The following ARPC5 variants were observed in gnomAD, a reference collection of about 807,000 sequenced individuals.
ARPC5 encodes the protein actin related protein 2/3 complex subunit 5.
In ARPC5, 5 loss-of-function variants were observed where a neutral mutation model predicts 15.4. The observed-to-expected ratio is 0.32, with a 90% CI of 0.17 to 0.68. The LOEUF is 0.68. Ranked by LOEUF, ARPC5 falls within the 30% of genes least tolerant of loss-of-function variation. ARPC5 has a pLI of 0.71. For missense variants in ARPC5, 138 were observed against 192.8 expected (o/e 0.72, Z 1.68); for synonymous variants, 85 against 72.2 (o/e 1.18, Z -0.90).
Position 183,627,530 on chromosome 1 carries a change from G to A in ARPC5, c.*2C>T, listed in dbSNP as rs1381197648. The A allele has an allele frequency of 6.2e-7, 1 of 1,613,670 alleles. No individual in the cohort carries two copies. Among genetic ancestry groups the A allele is most frequent in the Non-Finnish European group, 8.5e-7 (1 of 1,179,770 alleles). On this transcript the variant is annotated 3_prime_UTR_variant, in exon 4 of 4. Transcript: ENST00000359856. ...GAGGCAGATAATCCACTTCCTGCCA[G>A]ACTACACAGTTTTTCTTGCAGTCAA...
chr1:183,633,244 A>G (rs1263898209), intron 1 of ARPC5, 90 bp from the exon 2 acceptor site: 1 of 888,326 alleles, frequency 1.1e-6, no homozygotes, highest in East Asian at 2.9e-5. Context: ...ACATATAAAA[A>G]GAAAATTACT....
intron 1 of ARPC5, among the ~76,000 whole-genome samples, chr1:183,634,120 A>G (rs1572199817): frequency 6.6e-6 from 1 of 152,204 alleles, no homozygotes; most frequent in African/African-American, 2.4e-5. Flanking sequence ...ATCCATCACA[A>G]ATAATGTTTT....
At position 183,633,145 on chromosome 1, in the gene ARPC5, C is replaced by A. The variant is rs758721451; in HGVS notation, c.153G>T (p.Met51Ile). 1 of 1,600,072 alleles carries A rather than the reference C, an allele frequency of 6.2e-7. No individual in the cohort carries two copies. Among genetic ancestry groups the A allele is most frequent in the South Asian group, 1.1e-5 (1 of 88,478 alleles). ...EVDSCLRQGN[M>I]TAALQAALKN... is the part of the protein sequence containing the mutation. ...TCAGAGCTGCCTGTAGGGCAGCTGT[C>A]ATGTTTCCTGTGATGGAAGTTAAGG... is the stretch of plus-strand genomic sequence containing the variant. Residue 51 changes from methionine to isoleucine, a missense_variant, in exon 2 of 4, where the codon ATG (methionine) becomes ATT (isoleucine). This residue lies in a region of ARPC5 where 121 missense variants were observed against 153.7 expected (regional missense o/e 0.79). Transcript: ENST00000359856.
Position 183,623,778 on chromosome 1 carries a change from T to C in ARPC5, c.*3754A>G, listed in dbSNP as rs1649004868. ...GTGGTCACGCCTGTAATCCCAGTGC[T>C]TTGGGAGGCGGAGGAGGGTGGATCA... On this transcript the variant is annotated 3_prime_UTR_variant, in exon 4 of 4. Transcript: ENST00000359856. 4 of 392,616 alleles carry C rather than the reference T, an allele frequency of 1.0e-5. No homozygotes were observed. The highest frequency in any genetic ancestry group is 1.9e-5 in the Non-Finnish European group (4 of 213,832). The allele number at this position is 392,616 out of a possible 1,614,324, so 24.3% of individuals were successfully genotyped here.
At position 183,630,511 on chromosome 1, in the gene ARPC5, C is replaced by G. The variant is rs371105155; in HGVS notation, c.343G>C (p.Glu115Gln). The change falls in exon 3 of 4, where the codon GAG becomes CAG. Residue 115 changes from glutamate (E) to glutamine (Q), a missense_variant. Glu to Gln is a conservative substitution (Grantham distance 29). Transcript: ENST00000359856. ...LLMKYIYKGFESPSDNSSAML... is the reference protein window; with the variant it reads ...LLMKYIYKGFQSPSDNSSAML... Reference sequence around the variant, plus strand: ...GCACTGCTATTGTCAGACGGGCTCTCAAATCCTTTATAAATATACTTCATT... The same window carrying G: ...GCACTGCTATTGTCAGACGGGCTCTGAAATCCTTTATAAATATACTTCATT... 28 of 1,613,666 alleles carry G rather than the reference C, an allele frequency of 1.7e-5. No individual in the cohort carries two copies. The highest frequency in any genetic ancestry group is 4.0e-5 in the African/African-American group (3 of 74,892).
Position 183,627,505 on chromosome 1 carries a change from G to A in ARPC5, c.*27C>T, listed in dbSNP as rs1210443322. On this transcript the variant is annotated 3_prime_UTR_variant, in exon 4 of 4. Transcript: ENST00000359856. Reference sequence around the variant, plus strand: ...CTTTGTACCAGCAATTCCCACTCCCGAGGCAGATAATCCACTTCCTGCCAG... The same window carrying A: ...CTTTGTACCAGCAATTCCCACTCCCAAGGCAGATAATCCACTTCCTGCCAG... 6.2e-7 allele frequency: 1 copy of A among 1,606,232 alleles called. No individual in the cohort carries two copies. The highest frequency in any genetic ancestry group is 1.1e-5 in the South Asian group (1 of 90,902).
intron 3 of ARPC5, among the ~76,000 whole-genome samples, chr1:183,629,107 A>G (rs1649192614): frequency 6.6e-6 from 1 of 152,258 alleles, no homozygotes; most frequent in Non-Finnish European, 1.5e-5. Context: ...GAAGAAATGA[A>G]GACTTCACAC....
At chr1:183,632,886 T>C (rs1168925832) in intron 2 of ARPC5, 196 bp downstream of exon 2, 7 of 440,636 alleles carry the variant, frequency 1.6e-5, no homozygotes, top group Middle Eastern at 5.6e-4. Context: ...TACTGTATCT[T>C]ACCATGCAGC....
At chr1:183,632,961 T>C in intron 2 of ARPC5, 121 bp downstream of exon 2, 1 of 775,640 alleles carries the variant, frequency 1.3e-6, no homozygotes, top group Non-Finnish European at 2.1e-6. Flanking sequence ...AACTACATTA[T>C]AAACTCTTCT....
At chr1:183,633,245 G>A in intron 1 of ARPC5, 91 bp from the exon 2 acceptor site, 1 of 879,218 alleles carries the variant, frequency 1.1e-6, no homozygotes, top group Non-Finnish European at 1.7e-6. Context: ...CATATAAAAA[G>A]AAAATTACTT....
In ARPC5 at chr1:183,635,704, T is replaced by C; in HGVS notation, c.-45A>G. The C allele has an allele frequency of 6.3e-7, 1 of 1,590,700 alleles. No homozygotes were observed. Among genetic ancestry groups the C allele is most frequent in the Non-Finnish European group, 8.6e-7 (1 of 1,166,996 alleles). The stretch of plus-strand genomic sequence containing the variant: ...AAAGGCCTCTTCTTGGCGCTGCCTC[T>C]ACCTCAGCAAGCCCAGCCCAGCAAC... On this transcript the variant is annotated 5_prime_UTR_variant, in exon 1 of 4. Transcript: ENST00000359856.
intron 1 of ARPC5, 83 bp downstream of exon 1, chr1:183,635,434 G>A: frequency 6.8e-6 from 10 of 1,463,578 alleles, no homozygotes; most frequent in Non-Finnish European, 9.1e-6. Flanking sequence ...CCGGTGCCCC[G>A]CGGATCCTGC....
At position 183,621,248 on chromosome 1, in the gene ARPC5, G is replaced by A. The variant is rs1322668166; in HGVS notation, c.*6284C>T. On this transcript the variant is annotated 3_prime_UTR_variant, in exon 4 of 4. Coordinates refer to ENST00000359856, the MANE Select transcript of ARPC5 (RefSeq NM_005717.4). ...CAATTTAGCAATATCTCCCTTAAAT[G>A]CCCTCCAACTGACCTTAACTTTCAC... is the stretch of plus-strand genomic sequence containing the variant. The A allele has an allele frequency of 6.6e-6, 1 of 152,136 alleles. No individual in the cohort carries two copies. The highest frequency in any genetic ancestry group is 1.5e-5 in the Non-Finnish European group (1 of 68,022). The allele number at this position is 152,136 out of a possible 1,614,324, so 9.4% of individuals were successfully genotyped here. A position where few individuals can be genotyped will look rare whatever the true frequency, so the allele number is the denominator to read the frequency against.
chr1:183,623,453 G>A lies in ARPC5; in HGVS notation c.*4079C>T. On this transcript the variant is annotated 3_prime_UTR_variant, in exon 4 of 4. Coordinates refer to ENST00000359856, the MANE Select transcript of ARPC5 (RefSeq NM_005717.4). The stretch of plus-strand genomic sequence containing the variant: ...GGCTTCCCGGGCCTCCTCCATATCT[G>A]GAATCATACAAGAGGCACCTGCACA... 1 of 1,550,330 alleles carries A rather than the reference G, an allele frequency of 6.5e-7. No individual in the cohort carries two copies. Among genetic ancestry groups the A allele is most frequent in the South Asian group, 1.2e-5 (1 of 84,050 alleles).
intron 1 of ARPC5, chr1:183,633,594 C>G (rs909277147): frequency 1.3e-5 from 2 of 152,730 alleles, no homozygotes; most frequent in Non-Finnish European, 2.9e-5. Context: ...GAACCATATT[C>G]TGTATTATCT....
chr1:183,626,471 A>G lies in ARPC5; in HGVS notation c.*1061T>C, dbSNP rs901223098. The G allele has an allele frequency of 2.6e-5, 4 of 152,642 alleles. No homozygotes were observed. Among genetic ancestry groups the G allele is most frequent in the Non-Finnish European group, 5.9e-5 (4 of 68,048 alleles). 9.5% of individuals were successfully genotyped at this position (152,642 alleles called of 1,614,324 possible). ...TTTGAGAACTGATTTGGTTTGTCCA[A>G]CAAAGTAAACAATTTTTTGCTGTGT... is the stretch of plus-strand genomic sequence containing the variant. On this transcript the variant is annotated 3_prime_UTR_variant, in exon 4 of 4. Transcript: ENST00000359856.
chr1:183,623,352 C>G lies in ARPC5; in HGVS notation c.*4180G>C. The G allele has an allele frequency of 7.2e-7, 1 of 1,391,340 alleles. No individual in the cohort carries two copies. The highest frequency in any genetic ancestry group is 1.0e-6 in the Non-Finnish European group (1 of 1,002,038). The allele number at this position is 1,391,340 out of a possible 1,614,324, so 86.2% of individuals were successfully genotyped here. A position where few individuals can be genotyped will look rare whatever the true frequency, so the allele number is the denominator to read the frequency against. ...AAATGTTAAAGTGAATGCTGTGTCC[C>G]ATGTTGCTTGTGGTTGGATCATCAA... On this transcript the variant is annotated 3_prime_UTR_variant, in exon 4 of 4. Coordinates refer to ENST00000359856, the MANE Select transcript of ARPC5 (RefSeq NM_005717.4).
rs1003375412 is a variant in ARPC5 at position 183,625,995 on chromosome 1, G to A, written c.*1537C>T. The A allele has an allele frequency of 6.6e-6, 1 of 152,112 alleles. No homozygotes were observed. The highest frequency in any genetic ancestry group is 1.5e-5 in the Non-Finnish European group (1 of 68,028). The allele number at this position is 152,112 out of a possible 1,614,324, so 9.4% of individuals were successfully genotyped here. On this transcript the variant is annotated 3_prime_UTR_variant, in exon 4 of 4. Coordinates refer to ENST00000359856, the MANE Select transcript of ARPC5 (RefSeq NM_005717.4). The stretch of plus-strand genomic sequence containing the variant: ...ATAGGTATTCAGCTGCCATCCAGAA[G>A]GCTATGGAATCACTCCAAAGGCTTC...
chr1:183,635,730 C>G lies in ARPC5; in HGVS notation c.-71G>C, dbSNP rs993196716. 1.6e-5 allele frequency: 25 copies of G among 1,551,258 alleles called. No individual in the cohort carries two copies. Among genetic ancestry groups the G allele is most frequent in the Admixed American group, 1.9e-5 (1 of 53,156 alleles). Reference sequence around the variant, plus strand: ...ACCTCAGCAAGCCCAGCCCAGCAACCCACTACCCGGCGCCTGATTCACTTC... The same window carrying G: ...ACCTCAGCAAGCCCAGCCCAGCAACGCACTACCCGGCGCCTGATTCACTTC... On this transcript the variant is annotated 5_prime_UTR_variant, in exon 1 of 4. Transcript: ENST00000359856.
Sources: gnomAD v4.1 joint callset for allele counts (sites outside exome capture counted in the v4.1 genomes callset) on GRCh38, gnomAD v4.1.1 for gene constraint, gnomAD v4.1.1 regional missense constraint, MANE v1.5 for transcripts, NCBI Gene and HGNC (gene_info 2026-07-23, HGNC 2026-07-21) for gene names.